MBTPS1: variants seen among roughly 807,000 people sequenced by gnomAD.
MBTPS1 encodes membrane-bound transcription factor site-1 protease.
In MBTPS1, 94 loss-of-function variants were observed where a neutral mutation model predicts 127.8. The observed-to-expected ratio is 0.74, with a 90% CI of 0.62 to 0.87. The LOEUF is 0.87. Ranked by LOEUF, MBTPS1 falls within the 40% of genes least tolerant of loss-of-function variation. The probability of loss-of-function intolerance (pLI) is 0.00; values close to 1 mark genes in which losing one functional copy is unlikely to be tolerated. For missense variants in MBTPS1, 1,636 were observed against 1,353.2 expected (o/e 1.21, Z -3.28); for synonymous variants, 632 against 509.4 (o/e 1.24, Z -3.24).
At chr16:84,087,867 C>A (rs1476198142) in intron 8 of MBTPS1, among the ~76,000 whole-genome samples, 3 of 152,200 alleles carry the variant, frequency 2.0e-5, no homozygotes, top group Admixed American at 6.5e-5. Flanking sequence ...CCAGCACATT[C>A]ATCTTAACTC....
intron 11 of MBTPS1, among the ~76,000 whole-genome samples, chr16:84,078,847 G>A (rs1300297787): frequency 3.9e-5 from 6 of 152,346 alleles, no homozygotes; most frequent in African/African-American, 1.4e-4. Flanking sequence ...GGGGGCAGGG[G>A]GAAGGATAAA....
chr16:84,070,042 A>C lies in MBTPS1; in HGVS notation c.1783-4T>G, dbSNP rs748609517. On this transcript the variant is annotated splice_region_variant and splice_polypyrimidine_tract_variant and intron_variant, in intron 13 of 22. Coordinates refer to ENST00000343411, the MANE Select transcript of MBTPS1 (RefSeq NM_003791.4). ...TCTGTTCTGCACCATTTTTTGACTA[A>C]AAAAAAAGAAAAGAAACTTGAAACG... 1.3e-6 allele frequency: 2 copies of C among 1,551,948 alleles called. No individual in the cohort carries two copies. The highest frequency in any genetic ancestry group is 4.6e-5 in the Admixed American group (2 of 43,506).
intron 11 of MBTPS1, among the ~76,000 whole-genome samples, chr16:84,078,217 C>A (rs1047699172): frequency 5.3e-5 from 8 of 152,172 alleles, no homozygotes; most frequent in African/African-American, 1.4e-4. Context: ...CCTAACAGAG[C>A]TACCGGGCGC....
At chr16:84,064,825 C>A (rs2085658334) in intron 18 of MBTPS1, among the ~76,000 whole-genome samples, 1 of 152,134 alleles carries the variant, frequency 6.6e-6, no homozygotes, top group Non-Finnish European at 1.5e-5. Flanking sequence ...AGGAAAAAAT[C>A]CCTTCCAGGT....
chr16:84,091,039 T>C, intron 7 of MBTPS1, 97 bp from the exon 8 acceptor site: 1 of 948,988 alleles, frequency 1.1e-6, no homozygotes, highest in Non-Finnish European at 1.7e-6. Flanking sequence ...CTAAAAACAG[T>C]TCTAAAAAAG....
At chr16:84,097,654 G>A (rs190509974) in intron 3 of MBTPS1, among the ~76,000 whole-genome samples, 3 of 152,196 alleles carry the variant, frequency 2.0e-5, no homozygotes, top group Non-Finnish European at 1.5e-5. Flanking sequence ...CTAAAATACC[G>A]CAATGTATAC....
intron 4 of MBTPS1, 58 bp from the exon 5 acceptor site, chr16:84,093,879 T>C (rs1361504291): frequency 1.2e-5 from 16 of 1,300,334 alleles, no homozygotes; most frequent in Middle Eastern, 3.6e-4. Flanking sequence ...ATTTTGGATT[T>C]TGCCTATAAA....
In MBTPS1 at chr16:84,063,288, A is replaced by ATCTGCGTTTT. The variant is rs1212557388; in HGVS notation, c.2572+7_2572+16dup. The ATCTGCGTTTT allele has an allele frequency of 7.5e-6, 12 of 1,601,800 alleles. No individual in the cohort carries two copies. In the East Asian group the frequency reaches 2.7e-4, roughly 36 times the overall value. On this transcript the variant is annotated intron_variant, in intron 19 of 22. Transcript: ENST00000343411. The stretch of plus-strand genomic sequence containing the variant: ...TCTGAGTGCCGAAGTCACAAAGTCC[A>ATCTGCGTTTT]TCTGCGTTTTTCCTACCCTTCTGTC...
chr16:84,101,679 G>C lies in MBTPS1; in HGVS notation c.105C>G (p.Cys35Trp), dbSNP rs989521020. ...TCAAAGTCAGGTGGGAACAGCCAGG[G>C]CATGGGGCCTTTTCAAAAGATTTCT... ...LEKKSFEKAP[C>W]PGCSHLTLKV... Residue 35 changes from cysteine (C) to tryptophan (W), a missense_variant, in exon 2 of 23, where the codon TGC (cysteine) becomes TGG (tryptophan). By Grantham distance (215) the Cys-to-Trp change is radical (BLOSUM62 -2). Transcript: ENST00000343411. 1 of 1,614,084 alleles carries C rather than the reference G, an allele frequency of 6.2e-7. No individual in the cohort carries two copies. The highest frequency in any genetic ancestry group is 1.7e-5 in the Admixed American group (1 of 60,022).
At chr16:84,064,373 A>C (rs989801336) in intron 18 of MBTPS1, among the ~76,000 whole-genome samples, 16 of 152,150 alleles carry the variant, frequency 1.1e-4, no homozygotes, top group African/African-American at 3.9e-4. Context: ...GCCTTGTGGT[A>C]TTTGATGGGA....
chr16:84,087,263 C>G, intron 9 of MBTPS1, 95 bp downstream of exon 9: 1 of 938,632 alleles, frequency 1.1e-6, no homozygotes, highest in Non-Finnish European at 1.7e-6. Flanking sequence ...TGTCTGTGCA[C>G]TTACAAATAC....
intron 3 of MBTPS1, among the ~76,000 whole-genome samples, chr16:84,096,709 G>C (rs1173784254): frequency 6.6e-6 from 1 of 152,168 alleles, no homozygotes; most frequent in African/African-American, 2.4e-5. Flanking sequence ...CAGGGACCTG[G>C]AAACACATAC....
rs1027110400 is a variant in MBTPS1, at chr16:84,065,118, G to A, written c.2431+572C>T. On this transcript the variant is annotated intron_variant, in intron 18 of 22. Coordinates refer to ENST00000343411, the MANE Select transcript of MBTPS1 (RefSeq NM_003791.4). ...AAAAATTCATCAAGTAACCTTGAAGGTAGTTTTTTTTTTTTTTTTGAGATG... is the reference window on the plus strand; with the variant it reads ...AAAAATTCATCAAGTAACCTTGAAGATAGTTTTTTTTTTTTTTTTGAGATG... 3.4e-5 allele frequency among the ~76,000 whole-genome samples: 5 copies of A among 147,164 alleles called. No homozygotes were observed. In the East Asian group the frequency reaches 9.8e-4, roughly 29 times the overall value.
At chr16:84,085,176 G>A in intron 9 of MBTPS1, 42 bp from the exon 10 acceptor site, 2 of 1,585,348 alleles carry the variant, frequency 1.3e-6, no homozygotes, top group Non-Finnish European at 1.7e-6. Flanking sequence ...TCGCACATTG[G>A]CATACAGCCG....
intron 11 of MBTPS1, 198 bp from the exon 12 acceptor site, chr16:84,074,939 A>C: frequency 4.4e-6 from 2 of 455,104 alleles, no homozygotes; most frequent in Non-Finnish European, 7.8e-6. Context: ...CCTGCTGTCT[A>C]TACAGACAGT....
At chr16:84,077,255 G>T (rs1299852730) in intron 11 of MBTPS1, among the ~76,000 whole-genome samples, 1 of 145,744 alleles carries the variant, frequency 6.9e-6, no homozygotes. Flanking sequence ...AAAAAAGAGA[G>T]AGAGAAAAGA....
intron 7 of MBTPS1, 49 bp from the exon 8 acceptor site, chr16:84,090,991 ATAAC>A (rs2086097373): frequency 9.4e-7 from 1 of 1,062,298 alleles, no homozygotes; most frequent in South Asian, 1.4e-5. Context: ...CATTAAACAT[ATAAC>A]TGTCAAAAAA....
intron 11 of MBTPS1, among the ~76,000 whole-genome samples, chr16:84,077,699 T>C (rs965999851): frequency 5.9e-5 from 9 of 152,154 alleles, no homozygotes; most frequent in African/African-American, 2.2e-4. Flanking sequence ...AAAAAGACTT[T>C]CTAAGGACTC....
chr16:84,099,313 G>C lies in MBTPS1; in HGVS notation c.164-3C>G. 6.2e-7 allele frequency: 1 copy of C among 1,612,416 alleles called. No individual in the cohort carries two copies. The highest frequency in any genetic ancestry group is 8.5e-7 in the Non-Finnish European group (1 of 1,179,228). ...TCCATTGAAAGCCACAATATATTCT[G>C]AAACCAATCACCACAAACAAAAATA... On this transcript the variant is annotated splice_region_variant and splice_polypyrimidine_tract_variant and intron_variant, in intron 2 of 22. Transcript: ENST00000343411.
Sources: gnomAD v4.1 joint callset for allele counts (sites outside exome capture counted in the v4.1 genomes callset) on GRCh38, gnomAD v4.1.1 for gene constraint, MANE v1.5 for transcripts, NCBI Gene and HGNC (gene_info 2026-07-23, HGNC 2026-07-21) for gene names.